Variants in DLGAP2 observed in about 807,000 individuals in gnomAD.
DLGAP2 encodes the protein DLG associated protein 2.
In DLGAP2, 26 loss-of-function variants were observed where a neutral mutation model predicts 100.3. The ratio of observed to expected loss-of-function variants is 0.26; its 90% CI spans 0.19 to 0.36. The LOEUF (loss-of-function observed/expected upper bound fraction) is 0.36. Among genes scored for constraint, DLGAP2 ranks in the 10% least tolerant of loss-of-function variants. The probability of loss-of-function intolerance (pLI) is 1.00; values close to 1 mark genes in which losing one functional copy is unlikely to be tolerated. For missense variants in DLGAP2, 1,858 were observed against 1,453.2 expected, an observed-to-expected ratio of 1.28 and a Z score of -4.53; for synonymous variants, 886 against 630.1, an observed-to-expected ratio of 1.41 and a Z score of -6.08.
chr8:1,635,716 A>G (rs527787240), intron 8 of DLGAP2, among the ~76,000 whole-genome samples: 4 of 152,256 alleles, frequency 2.6e-5, no homozygotes, highest in Non-Finnish European at 5.9e-5. Flanking sequence ...AGATTATTTC[A>G]CCTTGTATAA....
At chr8:1,311,016 A>G (rs1432917069) in intron 3 of DLGAP2, among the ~76,000 whole-genome samples, 1 of 152,172 alleles carries the variant, frequency 6.6e-6, no homozygotes, top group Admixed American at 6.5e-5. Context: ...AAAGATCAAA[A>G]TATTGGCAAA....
At chr8:1,031,551 A>T (rs148941778) in intron 2 of DLGAP2, among the ~76,000 whole-genome samples, 1 of 152,086 alleles carries the variant, frequency 6.6e-6, no homozygotes, top group African/African-American at 2.4e-5. Flanking sequence ...AGCTGGGACT[A>T]TAGGGTGCAT....
intron 2 of DLGAP2, among the ~76,000 whole-genome samples, chr8:951,404 C>G (rs1043180131): frequency 1.3e-5 from 2 of 152,156 alleles, no homozygotes; most frequent in South Asian, 4.1e-4. Context: ...GCCACCACAC[C>G]TGGCTATTTT....
intron 2 of DLGAP2, among the ~76,000 whole-genome samples, chr8:1,107,973 C>T (rs141257572): frequency 1.3e-5 from 2 of 152,270 alleles, no homozygotes; most frequent in African/African-American, 2.4e-5. Context: ...CTTCCTGAAG[C>T]GCCTGAAGCA....
At chr8:989,379 G>C (rs1393240791) in intron 2 of DLGAP2, among the ~76,000 whole-genome samples, 1 of 152,186 alleles carries the variant, frequency 6.6e-6, no homozygotes, top group Non-Finnish European at 1.5e-5. Flanking sequence ...CTTATCCATA[G>C]TAGACGTCCA....
chr8:967,597 C>T (rs1374114459), intron 2 of DLGAP2, among the ~76,000 whole-genome samples: 1 of 150,746 alleles, frequency 6.6e-6, no homozygotes, highest in Admixed American at 6.6e-5. Context: ...ATGGCTATTT[C>T]AACATTTCAA....
intron 2 of DLGAP2, among the ~76,000 whole-genome samples, chr8:923,566 C>T (rs1325624160): frequency 1.3e-5 from 2 of 152,168 alleles, no homozygotes; most frequent in East Asian, 3.9e-4. Context: ...AAGAAGGAAA[C>T]AGGGGGTGAC....
intron 1 of DLGAP2, among the ~76,000 whole-genome samples, chr8:789,329 A>G (rs1279444857): frequency 1.3e-5 from 2 of 152,220 alleles, no homozygotes; most frequent in African/African-American, 2.4e-5. Flanking sequence ...GGAAGTAGGC[A>G]TATCCCGCAT....
chr8:1,549,355 A>G lies in DLGAP2; in HGVS notation c.902A>G (p.Asp301Gly), dbSNP rs758023002. ...ATGAGCAGCTGGTGGAGCTCGGACG[A>G]CAACCTGGACAGCGACAGCACCTAT... ...PGMSSWWSSD[D>G]NLDSDSTYRT... The change falls in exon 5 of 15, where the codon GAC becomes GGC. Residue 301 changes from aspartate to glycine, a missense_variant. Transcript: ENST00000637795. 14 of 1,613,286 alleles carry G rather than the reference A, an allele frequency of 8.7e-6. No homozygotes were observed. Among genetic ancestry groups the G allele is most frequent in the Non-Finnish European group, 1.2e-5 (14 of 1,179,778 alleles).
At chr8:1,043,808 C>G (rs1055683190) in intron 2 of DLGAP2, among the ~76,000 whole-genome samples, 23 of 152,066 alleles carry the variant, frequency 1.5e-4, no homozygotes, top group African/African-American at 4.1e-4. Context: ...CAGGGGTGGG[C>G]AATGCCTCTT....
chr8:1,457,102 C>T (rs982106906), intron 3 of DLGAP2, among the ~76,000 whole-genome samples: 5 of 152,284 alleles, frequency 3.3e-5, no homozygotes, highest in Non-Finnish European at 5.9e-5. Flanking sequence ...ATAAAAGACT[C>T]CTATTTTATT....
intron 3 of DLGAP2, among the ~76,000 whole-genome samples, chr8:1,482,618 C>T (rs1392946029): frequency 6.6e-6 from 1 of 152,262 alleles, no homozygotes; most frequent in African/African-American, 2.4e-5. Context: ...GGGCGGCTTG[C>T]TCGGCTGGCT....
At chr8:783,397 A>T (rs1333885272) in intron 1 of DLGAP2, among the ~76,000 whole-genome samples, 1 of 152,166 alleles carries the variant, frequency 6.6e-6, no homozygotes, top group Non-Finnish European at 1.5e-5. Flanking sequence ...AAGGAATCTC[A>T]TGATATTACA....
chr8:754,359 A>G (rs972554892), intron 1 of DLGAP2: 2 of 152,194 alleles, frequency 1.3e-5, no homozygotes, highest in African/African-American at 4.8e-5. Flanking sequence ...CTCTCTTCCT[A>G]AAAAATCCAG....
intron 3 of DLGAP2, among the ~76,000 whole-genome samples, chr8:1,387,851 C>G (rs774249643): frequency 6.6e-6 from 1 of 152,194 alleles, no homozygotes; most frequent in Non-Finnish European, 1.5e-5. Context: ...TGATGTCAGT[C>G]TAAGAGCCTG....
At chr8:977,135 C>T (rs558708083) in intron 2 of DLGAP2, among the ~76,000 whole-genome samples, 1 of 152,342 alleles carries the variant, frequency 6.6e-6, no homozygotes, top group South Asian at 2.1e-4. Flanking sequence ...TGCATTTCTT[C>T]ACCTCTCTCA....
rs142020761 is a variant in DLGAP2 at position 1,493,792 on chromosome 8, CAG to C, written c.107-7573_107-7572del. 6.6e-3 allele frequency among the ~76,000 whole-genome samples: 1,004 copies of C among 152,330 alleles called. 10 individuals carry two copies. The highest frequency in any genetic ancestry group is 0.023 in the African/African-American group (959 of 41,570). Reference sequence around the variant, plus strand: ...AAGCTGGGGCGGGCGGTGGGCACGTCAGGGGTAGATGCGGAAGGGGTGGACGC... The same window carrying C: ...AAGCTGGGGCGGGCGGTGGGCACGTCGGGTAGATGCGGAAGGGGTGGACGC... On this transcript the variant is annotated intron_variant, in intron 3 of 14. Transcript: ENST00000637795.
intron 2 of DLGAP2, among the ~76,000 whole-genome samples, chr8:938,895 G>T (rs1020586824): frequency 1.3e-5 from 2 of 152,260 alleles, no homozygotes; most frequent in African/African-American, 4.8e-5. Flanking sequence ...TCTGCCTTAA[G>T]CCCCGAGGAA....
chr8:1,347,474 G>C (rs1206415184), intron 3 of DLGAP2, among the ~76,000 whole-genome samples: 1 of 152,084 alleles, frequency 6.6e-6, no homozygotes, highest in African/African-American at 2.4e-5. Context: ...GAGCTGCATT[G>C]CTCTCATGGG....
Sources: allele counts gnomAD v4.1 joint callset (sites outside exome capture counted in the v4.1 genomes callset), GRCh38; gene constraint gnomAD v4.1.1; transcripts MANE v1.5; gene names NCBI Gene and HGNC (gene_info 2026-07-23, HGNC 2026-07-21).